VEZT: variants seen among roughly 807,000 people sequenced by gnomAD.
VEZT encodes the protein vezatin.
Under a neutral mutation model 79.9 loss-of-function variants are expected in VEZT, and 39 were observed. The observed-to-expected ratio is 0.49, with a 90% confidence interval of 0.38 to 0.64. The LOEUF is 0.64. Ranked by LOEUF, VEZT falls within the 30% of genes least tolerant of loss-of-function variation. VEZT has a pLI of 0.00. For synonymous variants in VEZT, 325 were observed against 327.6 expected, an observed-to-expected ratio of 0.99 and a Z score of 0.09; for missense variants, 837 against 893.1, an observed-to-expected ratio of 0.94 and a Z score of 0.80.
intron 10 of VEZT, 77 bp from the exon 11 acceptor site, chr12:95,295,974 G>C: frequency 1.0e-5 from 11 of 1,050,858 alleles, no homozygotes; most frequent in Non-Finnish European, 1.3e-5. Context: ...TCAGAGATAA[G>C]TAAGTGCAAG....
intron 8 of VEZT, 85 bp from the exon 9 acceptor site, chr12:95,287,579 A>G: frequency 7.8e-7 from 1 of 1,278,326 alleles, no homozygotes; most frequent in Non-Finnish European, 1.0e-6. Flanking sequence ...CTGAGATTTA[A>G]GCTTATTTTA....
At chr12:95,218,115 C>G (rs909132575) in intron 1 of VEZT, 3 of 389,114 alleles carry the variant, frequency 7.7e-6, no homozygotes, top group East Asian at 8.1e-5. Flanking sequence ...CCAGAATTCC[C>G]AGACGGTGCC....
At position 95,251,959 on chromosome 12, in the gene VEZT, A is replaced by G. The variant is rs2062680628; in HGVS notation, c.56A>G (p.Tyr19Cys). The G allele has an allele frequency of 6.2e-7, 1 of 1,607,836 alleles. No homozygotes were observed. Among genetic ancestry groups the G allele is most frequent in the Non-Finnish European group, 8.5e-7 (1 of 1,177,866 alleles). Residue 19 changes from tyrosine (Y) to cysteine (C), a missense_variant, in exon 2 of 12, where the codon TAC becomes TGC. By Grantham distance (194) the Tyr-to-Cys change is radical. Transcript: ENST00000436874. ...VVFENSPLYQ[Y>C]LQDLGHTDFE... ...TTTCAGAATTCTCCACTTTACCAAT[A>G]CTTACAGGATCTGGGACACACAGAC...
At chr12:95,227,158 T>C (rs1488765252) in intron 1 of VEZT, among the ~76,000 whole-genome samples, 2 of 152,154 alleles carry the variant, frequency 1.3e-5, no homozygotes, top group East Asian at 3.9e-4. Context: ...AAAGTTCTGA[T>C]GTTGCTTTCT....
chr12:95,300,749 T>C lies in VEZT; in HGVS notation c.*76T>C. ...TTTAGCTTCAAGACTGGAAAGGGAA[T>C]ATGAGTGTAAGTTTACTATATATAA... On this transcript the variant is annotated 3_prime_UTR_variant, in exon 12 of 12. Transcript: ENST00000436874. The C allele has an allele frequency of 6.9e-7, 1 of 1,449,570 alleles. No individual in the cohort carries two copies. Among genetic ancestry groups the C allele is most frequent in the Non-Finnish European group, 9.0e-7 (1 of 1,106,294 alleles). The allele number at this position is 1,449,570 out of a possible 1,614,324, so 89.8% of individuals were successfully genotyped here. A position where few individuals can be genotyped will look rare whatever the true frequency, so the allele number is the denominator to read the frequency against.
intron 1 of VEZT, among the ~76,000 whole-genome samples, chr12:95,251,670 T>A (rs2062629876): frequency 6.6e-6 from 1 of 152,214 alleles, no homozygotes; most frequent in Non-Finnish European, 1.5e-5. Flanking sequence ...ATTCCTAAAT[T>A]CATTTTTTCT....
At chr12:95,230,132 A>G (rs546363346) in intron 1 of VEZT, among the ~76,000 whole-genome samples, 1 of 150,042 alleles carries the variant, frequency 6.7e-6, no homozygotes, top group African/African-American at 2.5e-5. Context: ...AACGAAGTGT[A>G]CTAACTTCAT....
intron 8 of VEZT, among the ~76,000 whole-genome samples, chr12:95,285,212 C>G (rs955648121): frequency 1.3e-5 from 2 of 151,832 alleles, no homozygotes; most frequent in East Asian, 1.9e-4. Context: ...GGGAGGCCAA[C>G]TAGAGCAGAT....
chr12:95,302,044 G>A lies in VEZT; in HGVS notation c.*1371G>A, dbSNP rs2140032799. ...TAACCTCTTCGGAGCAATACCTTAG[G>A]TTGGGCCTTGCTTTACTACTTAGAA... is the stretch of plus-strand genomic sequence containing the variant. On this transcript the variant is annotated 3_prime_UTR_variant, in exon 12 of 12. Coordinates refer to ENST00000436874, the MANE Select transcript of VEZT (RefSeq NM_017599.4). 1 of 152,236 alleles carries A rather than the reference G, an allele frequency of 6.6e-6. No homozygotes were observed. The allele number at this position is 152,236 out of a possible 1,614,324, so 9.4% of individuals were successfully genotyped here.
At chr12:95,251,846 G>T in intron 1 of VEZT, 94 bp from the exon 2 acceptor site, 1 of 1,164,242 alleles carries the variant, frequency 8.6e-7, no homozygotes, top group South Asian at 1.7e-5. Flanking sequence ...TGGACATACT[G>T]GTCACAATAG....
At chr12:95,218,748 A>G (rs2057109639) in intron 1 of VEZT, 2 of 152,278 alleles carry the variant, frequency 1.3e-5, no homozygotes, top group African/African-American at 4.8e-5. Context: ...TAAATGTTGA[A>G]ATATGTACAA....
intron 4 of VEZT, among the ~76,000 whole-genome samples, chr12:95,264,612 T>A (rs1439136187): frequency 6.6e-6 from 1 of 151,978 alleles, no homozygotes; most frequent in East Asian, 1.9e-4. Context: ...AATTTTTGTA[T>A]TTTTTTCAGA....
chr12:95,292,890 G>T (rs1465531135), intron 9 of VEZT, among the ~76,000 whole-genome samples: 1 of 111,022 alleles, frequency 9.0e-6, no homozygotes, highest in Non-Finnish European at 1.7e-5. Context: ...TTGCTCTGTT[G>T]CCCAGGCTGG....
chr12:95,289,666 C>G (rs2072183052), intron 9 of VEZT, among the ~76,000 whole-genome samples: 1 of 152,032 alleles, frequency 6.6e-6, no homozygotes, highest in African/African-American at 2.4e-5. Context: ...ACTTTTTTCA[C>G]TAAAAAATTC....
chr12:95,234,807 T>A (rs868740870), intron 1 of VEZT, among the ~76,000 whole-genome samples: 1 of 152,188 alleles, frequency 6.6e-6, no homozygotes, highest in Non-Finnish European at 1.5e-5. Context: ...CCCTGCGGCC[T>A]TCCGCAGTGT....
rs545131401 is a variant in VEZT, at chr12:95,289,077, G to A, written c.1522+1220G>A. On this transcript the variant is annotated intron_variant, in intron 9 of 11. Coordinates refer to ENST00000436874, the MANE Select transcript of VEZT (RefSeq NM_017599.4). The stretch of plus-strand genomic sequence containing the variant: ...AGCCTGGGCAACAGAGCGAGACTCC[G>A]TCTCAAAAAAAAAAATAAATAAATA... Among the ~76,000 whole-genome samples the A allele has an allele frequency of 1.1e-3, 114 of 107,642 alleles. 2 individuals are homozygous for A. Among genetic ancestry groups the A allele is most frequent in the African/African-American group, 3.1e-3 (100 of 32,150 alleles). 70.6% of individuals were successfully genotyped at this position (107,642 alleles called of 152,430 possible). A position where few individuals can be genotyped will look rare whatever the true frequency, so the allele number is the denominator to read the frequency against.
rs1228205174 is a variant in VEZT at position 95,300,512 on chromosome 12, G to A, written c.2179G>A (p.Ala727Thr). 1 of 1,613,800 alleles carries A rather than the reference G, an allele frequency of 6.2e-7. No individual in the cohort carries two copies. Among genetic ancestry groups the A allele is most frequent in the African/African-American group, 1.3e-5 (1 of 74,914 alleles). ...SLQPSIKQRLARLQLSPDFTF... is the reference protein window; with the variant it reads ...SLQPSIKQRLTRLQLSPDFTF... The stretch of plus-strand genomic sequence containing the variant: ...ACAGCCCTCCATTAAGCAGAGGCTG[G>A]CACGGCTACAGCTGTCACCAGATTT... The change falls in exon 12 of 12, where the codon GCA becomes ACA. Residue 727 changes from alanine to threonine, a missense_variant. Physicochemically the swap from Ala to Thr is moderately conservative, Grantham distance 58 (BLOSUM62 0). Transcript: ENST00000436874.
At chr12:95,249,817 C>T (rs1157397601) in intron 1 of VEZT, among the ~76,000 whole-genome samples, 1 of 152,060 alleles carries the variant, frequency 6.6e-6, no homozygotes, top group Non-Finnish European at 1.5e-5. Flanking sequence ...ATGGAAGGGA[C>T]TGTTTCTTAT....
intron 7 of VEZT, among the ~76,000 whole-genome samples, chr12:95,279,051 C>T (rs906104488): frequency 6.6e-6 from 1 of 152,166 alleles, no homozygotes; most frequent in Non-Finnish European, 1.5e-5. Flanking sequence ...GCCTGGGCAA[C>T]AAGAGCGAAA....
Sources: allele counts gnomAD v4.1 joint callset (sites outside exome capture counted in the v4.1 genomes callset), GRCh38; gene constraint gnomAD v4.1.1; transcripts MANE v1.5; gene names NCBI Gene and HGNC (gene_info 2026-07-23, HGNC 2026-07-21).